ASXL3: variants seen among roughly 807,000 people sequenced by gnomAD.
ASXL3 encodes the protein putative Polycomb group protein ASXL3.
Under a neutral mutation model 170.6 loss-of-function variants are expected in ASXL3, and 34 were observed. The observed-to-expected ratio is 0.20, with a 90% CI of 0.15 to 0.27. The LOEUF is 0.27. ASXL3 is among the 10% of genes least tolerant of loss of function. The pLI is 1.00. For missense variants in ASXL3, 2,592 were observed against 2,695.3 expected, an observed-to-expected ratio of 0.96 and a Z score of 0.85; for synonymous variants, 1,002 against 989.1, an observed-to-expected ratio of 1.01 and a Z score of -0.24.
intron 8 of ASXL3, among the ~76,000 whole-genome samples, chr18:33,697,794 C>T (rs892711020): frequency 6.6e-6 from 1 of 151,838 alleles, no homozygotes; most frequent in Non-Finnish European, 1.5e-5. Flanking sequence ...ACTTGAGCCC[C>T]ATAGTTTGAG....
intron 4 of ASXL3, among the ~76,000 whole-genome samples, chr18:33,653,438 G>A (rs2066032856): frequency 6.6e-6 from 1 of 152,088 alleles, no homozygotes; most frequent in Non-Finnish European, 1.5e-5. Context: ...GGAGACACCT[G>A]CTCTACATTG....
At chr18:33,666,993 T>A (rs1317331558) in intron 5 of ASXL3, among the ~76,000 whole-genome samples, 1 of 152,158 alleles carries the variant, frequency 6.6e-6, no homozygotes, top group Non-Finnish European at 1.5e-5. Context: ...CTAGGAAAGC[T>A]GCCTACTTAG....
In ASXL3 at chr18:33,730,816, T is replaced by C. The variant is rs548696618; in HGVS notation, c.880-1152T>C. Among the ~76,000 whole-genome samples the C allele has an allele frequency of 1.8e-4, 28 of 152,294 alleles. 1 individual carries two copies. In the South Asian group the frequency reaches 5.6e-3, roughly 30 times the overall value. On this transcript the variant is annotated intron_variant, in intron 8 of 11. Coordinates refer to ENST00000269197, the MANE Select transcript of ASXL3 (RefSeq NM_030632.3). ...AGTGGCTTAACAAGTATCTGTTGAA[T>C]AAGATGAAATAATTGAGCATGAGTA...
rs2064962057 is a variant in ASXL3 at position 33,578,436 on chromosome 18, C to A, written c.-196C>A. 1.0e-5 allele frequency: 1 copy of A among 100,174 alleles called. No individual in the cohort carries two copies. Among genetic ancestry groups the A allele is most frequent in the Non-Finnish European group, 2.0e-5 (1 of 49,190 alleles). The allele number at this position is 100,174 out of a possible 1,614,324, so 6.2% of individuals were successfully genotyped here. ...GCGCGCCCCCACCCACTCCACCCCA[C>A]CCCCTCGCTCCATCCCTCCCACCCG... On this transcript the variant is annotated 5_prime_UTR_variant, in exon 1 of 12. Coordinates refer to ENST00000269197, the MANE Select transcript of ASXL3 (RefSeq NM_030632.3).
intron 3 of ASXL3, among the ~76,000 whole-genome samples, chr18:33,645,237 C>T (rs1196020425): frequency 1.3e-5 from 2 of 151,946 alleles, no homozygotes; most frequent in Non-Finnish European, 2.9e-5. Context: ...CTTGTAGCTT[C>T]CTTAAAATTC....
chr18:33,688,771 C>T (rs2066640494), intron 8 of ASXL3, among the ~76,000 whole-genome samples: 1 of 152,228 alleles, frequency 6.6e-6, no homozygotes, highest in South Asian at 2.1e-4. Flanking sequence ...TATCCCTTCA[C>T]ATCCACACTT....
chr18:33,684,416 T>C (rs1473922274), intron 8 of ASXL3, among the ~76,000 whole-genome samples: 3 of 152,196 alleles, frequency 2.0e-5, no homozygotes, highest in Non-Finnish European at 4.4e-5. Context: ...TTACTTTGAA[T>C]AAGTTTTCTT....
intron 2 of ASXL3, among the ~76,000 whole-genome samples, chr18:33,636,934 G>A (rs1429431496): frequency 1.3e-5 from 2 of 152,076 alleles, no homozygotes; most frequent in Non-Finnish European, 2.9e-5. Context: ...AAATTCTGGA[G>A]CATTTCAAAT....
At chr18:33,597,467 A>G (rs1335043727) in intron 1 of ASXL3, among the ~76,000 whole-genome samples, 2 of 152,116 alleles carry the variant, frequency 1.3e-5, no homozygotes, top group African/African-American at 4.8e-5. Context: ...TCCCTCTTAG[A>G]CTACGTCTCA....
chr18:33,609,106 AAAG>A (rs1467646022), intron 2 of ASXL3: 1 of 973,616 alleles, frequency 1.0e-6, no homozygotes, highest in African/African-American at 1.8e-5. Flanking sequence ...CAATTCTGTT[AAAG>A]GAGATCCTAT....
rs1384549536 is a variant in ASXL3, at chr18:33,578,496, C to T, written c.-136C>T. 4 of 354,072 alleles carry T rather than the reference C, an allele frequency of 1.1e-5. No homozygotes were observed. Among genetic ancestry groups the T allele is most frequent in the Admixed American group, 6.4e-5 (1 of 15,506 alleles). 21.9% of individuals were successfully genotyped at this position (354,072 alleles called of 1,614,324 possible). On this transcript the variant is annotated 5_prime_UTR_variant, in exon 1 of 12. Transcript: ENST00000269197. ...CCGCCGCCGCCGCCGCCGCCGCCGC[C>T]GCCACCGCCCGCGCGCCTCCCCCCG...
At chr18:33,633,358 T>C (rs1301358738) in intron 2 of ASXL3, among the ~76,000 whole-genome samples, 1 of 152,176 alleles carries the variant, frequency 6.6e-6, no homozygotes, top group Non-Finnish European at 1.5e-5. Flanking sequence ...AAGGAAATAC[T>C]TAAACGAATT....
intron 8 of ASXL3, 27 bp downstream of exon 8, chr18:33,683,595 A>G (rs372095761): frequency 2.5e-6 from 4 of 1,580,958 alleles, no homozygotes; most frequent in Non-Finnish European, 8.6e-7. Context: ...GACATTTGAT[A>G]CCAGCCACTA....
chr18:33,614,284 C>T (rs183347910), intron 2 of ASXL3: 194 of 152,268 alleles, frequency 1.3e-3, no homozygotes, highest in African/African-American at 4.4e-3. Flanking sequence ...AGTATCTTCA[C>T]CAGAAGAGGA....
chr18:33,579,132 A>C (rs759138785), intron 1 of ASXL3: 1 of 152,800 alleles, frequency 6.5e-6, no homozygotes, highest in African/African-American at 2.4e-5. Flanking sequence ...TGTGAGTTCA[A>C]ACATTTTACA....
chr18:33,696,616 C>T (rs1423595717), intron 8 of ASXL3, among the ~76,000 whole-genome samples: 1 of 151,904 alleles, frequency 6.6e-6, no homozygotes, highest in South Asian at 2.1e-4. Context: ...TTTGTCCTGT[C>T]CAGAACTAGC....
chr18:33,690,887 A>G (rs977396996), intron 8 of ASXL3, among the ~76,000 whole-genome samples: 2 of 151,946 alleles, frequency 1.3e-5, no homozygotes, highest in East Asian at 1.9e-4. Flanking sequence ...ACATCAGGCT[A>G]CTCCTCAGTG....
At chr18:33,723,642 G>A (rs1273071184) in intron 8 of ASXL3, among the ~76,000 whole-genome samples, 4 of 152,092 alleles carry the variant, frequency 2.6e-5, no homozygotes, top group Non-Finnish European at 5.9e-5. Flanking sequence ...AAAGGACTTC[G>A]AATATTCCAT....
At chr18:33,732,406 C>T (rs748535805) in intron 9 of ASXL3, among the ~76,000 whole-genome samples, 30 of 152,154 alleles carry the variant, frequency 2.0e-4, no homozygotes, top group Admixed American at 1.0e-3. Flanking sequence ...CGCTCTCTTC[C>T]GCGGAAGTTA....
Sources: allele counts gnomAD v4.1 joint callset (sites outside exome capture counted in the v4.1 genomes callset), GRCh38; gene constraint gnomAD v4.1.1; transcripts MANE v1.5; gene names NCBI Gene and HGNC (gene_info 2026-07-23, HGNC 2026-07-21).